The following PHLDB1 variants were observed in gnomAD, a reference collection of about 807,000 sequenced individuals.
PHLDB1 encodes pleckstrin homology-like domain family B member 1.
A neutral mutation model predicts 139.3 loss-of-function variants in PHLDB1; 65 were observed. The ratio of observed to expected loss-of-function variants is 0.47; its 90% CI spans 0.38 to 0.57. PHLDB1 has a LOEUF of 0.57. PHLDB1 is among the 20% of genes least tolerant of loss of function. The probability of loss-of-function intolerance (pLI) is 0.00; values close to 1 mark genes in which losing one functional copy is unlikely to be tolerated. For synonymous variants in PHLDB1, 679 were observed against 734.5 expected, an observed-to-expected ratio of 0.92 and a Z score of 1.22; for missense variants, 1,624 against 1,839.7, an observed-to-expected ratio of 0.88 and a Z score of 2.14.
At chr11:118,655,388 A>C in intron 20 of PHLDB1, 2 of 464,728 alleles carry the variant, frequency 4.3e-6, no homozygotes, top group Non-Finnish European at 7.8e-6. Context: ...GTGGTATCTC[A>C]GTGGAGTTCT....
chr11:118,632,759 C>A lies in PHLDB1; in HGVS notation c.2379+463C>A. The A allele has an allele frequency of 1.9e-6, 1 of 528,566 alleles. No homozygotes were observed. The highest frequency in any genetic ancestry group is 2.1e-5 in the African/African-American group (1 of 48,618). 32.7% of individuals were successfully genotyped at this position (528,566 alleles called of 1,614,324 possible). ...GCTTCCCTTGAGCCTTCAGGATCTG[C>A]AGCCTCCCATCCCAGGTGATCCTAG... On this transcript the variant is annotated intron_variant, in intron 9 of 22. Transcript: ENST00000600882. The surrounding 1 kb of genome is among the most constrained non-coding windows in gnomAD (Gnocchi z 5.9).
In PHLDB1 at chr11:118,632,991, C is replaced by CTTT. The variant is rs67219463; in HGVS notation, c.2379+708_2379+710dup. On this transcript the variant is annotated intron_variant, in intron 9 of 22. Transcript: ENST00000600882. The surrounding 1 kb of genome is among the most constrained non-coding windows in gnomAD (Gnocchi z 5.9). ...TGAGAATCTTAAAAATTCTTTGACC[C>CTTT]TTTTTTTTTTTTTTTGGAGCTTTGG... The CTTT allele has an allele frequency of 1.1e-5, 2 of 178,572 alleles. No individual in the cohort carries two copies. Among genetic ancestry groups the CTTT allele is most frequent in the Non-Finnish European group, 2.0e-5 (2 of 100,350 alleles). 11.1% of individuals were successfully genotyped at this position (178,572 alleles called of 1,614,324 possible). A position where few individuals can be genotyped will look rare whatever the true frequency, so the allele number is the denominator to read the frequency against.
intron 2 of PHLDB1, 87 bp downstream of exon 2, chr11:118,613,983 T>C (rs994565534): frequency 2.2e-5 from 18 of 830,880 alleles, no homozygotes; most frequent in South Asian, 1.0e-4. Context: ...AGCCCAAGGA[T>C]GAAAGGAGCA....
intron 4 of PHLDB1, among the ~76,000 whole-genome samples, chr11:118,619,322 C>T (rs939677980): frequency 6.6e-6 from 1 of 152,142 alleles, no homozygotes; most frequent in East Asian, 1.9e-4. Context: ...TGGGTAGGGG[C>T]TTGTGTGAGG....
At chr11:118,656,605 G>A in intron 22 of PHLDB1, 78 bp from the exon 23 acceptor site, 2 of 1,430,340 alleles carry the variant, frequency 1.4e-6, no homozygotes, top group Non-Finnish European at 9.7e-7. Context: ...GAGGGGAAAG[G>A]GCAGATAGGG....
chr11:118,639,869 G>A, intron 12 of PHLDB1: 1 of 986,790 alleles, frequency 1.0e-6, no homozygotes, highest in South Asian at 4.7e-5. Flanking sequence ...AGGCCGAGCT[G>A]CTCATCTCCG....
intron 1 of PHLDB1, among the ~76,000 whole-genome samples, chr11:118,612,097 C>A (rs555778641): frequency 6.8e-6 from 1 of 148,034 alleles, no homozygotes. Context: ...TACAGTCACT[C>A]CTCATTCCAC....
intron 1 of PHLDB1, among the ~76,000 whole-genome samples, chr11:118,612,865 TCAG>T (rs1940764623): frequency 6.6e-6 from 1 of 152,172 alleles, no homozygotes; most frequent in Non-Finnish European, 1.5e-5. Context: ...CAGTAACATT[TCAG>T]CAGCAAGTGG....
chr11:118,627,583 G>A lies in PHLDB1; in HGVS notation c.760G>A (p.Ala254Thr). ...VGSSYENTSP[A>T]FSPLSSPASS... Reference sequence around the variant, plus strand: ...CTCCAGCTATGAGAACACCTCTCCAGCCTTCTCTCCACTCTCTTCACCAGC... The same window carrying A: ...CTCCAGCTATGAGAACACCTCTCCAACCTTCTCTCCACTCTCTTCACCAGC... The change falls in exon 6 of 23, where the codon GCC (alanine) becomes ACC (threonine). Residue 254 changes from alanine (A) to threonine (T), a missense_variant. Ala to Thr is a moderately conservative substitution (Grantham distance 58). Transcript: ENST00000600882. 1.2e-6 allele frequency: 2 copies of A among 1,613,904 alleles called. No homozygotes were observed. Among genetic ancestry groups the A allele is most frequent in the Non-Finnish European group, 1.7e-6 (2 of 1,180,012 alleles).
chr11:118,628,013 C>G lies in PHLDB1; in HGVS notation c.1190C>G (p.Thr397Arg), dbSNP rs146028056. 172 of 1,613,942 alleles carry G rather than the reference C, an allele frequency of 1.1e-4. 1 individual carries two copies. The African/African-American group carries it at 1.9e-3, about 18-fold the overall frequency. ...PVPAPRNKIG[T>R]LQDRPPSPFR... is the part of the protein sequence containing the mutation. ...CCTGCTCCCCGAAACAAGATTGGCA[C>G]ACTCCAGGACCGCCCTCCCAGCCCT... Residue 397 changes from threonine (T) to arginine (R), a missense_variant, in exon 6 of 23, where the codon ACA becomes AGA. Physicochemically the swap from Thr to Arg is moderately conservative, Grantham distance 71. Coordinates refer to ENST00000600882, the MANE Select transcript of PHLDB1 (RefSeq NM_001144758.3).
At chr11:118,641,556 A>G (rs1399866847) in intron 12 of PHLDB1, 2 of 1,072,318 alleles carry the variant, frequency 1.9e-6, no homozygotes, top group African/African-American at 1.7e-5. Context: ...GGGCCATCTC[A>G]TGTGTTCTGG....
At chr11:118,609,658 G>A (rs1591413658) in intron 1 of PHLDB1, among the ~76,000 whole-genome samples, 2 of 152,220 alleles carry the variant, frequency 1.3e-5, no homozygotes, top group East Asian at 1.9e-4. Flanking sequence ...GGGCCGCCCC[G>A]TTTCCCGGCC....
At chr11:118,641,711 A>T (rs1555120801) in intron 12 of PHLDB1, 1 of 1,289,528 alleles carries the variant, frequency 7.8e-7, no homozygotes, top group Admixed American at 2.3e-5. Context: ...GCCTCCCGGG[A>T]CCTGGTTCCC....
intron 10 of PHLDB1, among the ~76,000 whole-genome samples, chr11:118,636,204 G>A (rs1216469785): frequency 3.3e-5 from 5 of 152,202 alleles, no homozygotes; most frequent in Non-Finnish European, 7.3e-5. Flanking sequence ...AGGGATTGGA[G>A]AGGATGGCTC....
At chr11:118,623,272 AT>A (rs1166168084) in intron 4 of PHLDB1, among the ~76,000 whole-genome samples, 1 of 152,070 alleles carries the variant, frequency 6.6e-6, no homozygotes, top group Non-Finnish European at 1.5e-5. Context: ...AATTGGAAGG[AT>A]TGGTGGTAGA....
At chr11:118,617,938 A>G (rs981029413) in intron 4 of PHLDB1, among the ~76,000 whole-genome samples, 9 of 152,210 alleles carry the variant, frequency 5.9e-5, no homozygotes, top group African/African-American at 2.2e-4. Context: ...AAGGCCCAGC[A>G]CTTACCACCC....
At chr11:118,618,710 C>A (rs1942163923) in intron 4 of PHLDB1, among the ~76,000 whole-genome samples, 1 of 151,918 alleles carries the variant, frequency 6.6e-6, no homozygotes, top group African/African-American at 2.4e-5. Context: ...TTTTCCCTAC[C>A]TTGTTCCCCT....
In PHLDB1 at chr11:118,635,202, G is replaced by A. The variant is rs1945440463; in HGVS notation, c.2380-191G>A. ...TTTGGAGGGAACCGGGAAGGTTGGG[G>A]AATCAGCGCTCCAGGCCATGATGCC... On this transcript the variant is annotated intron_variant, in intron 9 of 22. Transcript: ENST00000600882. The A allele has an allele frequency of 4.5e-6, 3 of 672,702 alleles. No individual in the cohort carries two copies. In the African/African-American group the frequency reaches 5.5e-5, roughly 12 times the overall value. 41.7% of individuals were successfully genotyped at this position (672,702 alleles called of 1,614,324 possible).
Position 118,632,834 on chromosome 11 carries a change from C to G in PHLDB1, c.2379+538C>G. 2 of 985,820 alleles carry G rather than the reference C, an allele frequency of 2.0e-6. No individual in the cohort carries two copies. Among genetic ancestry groups the G allele is most frequent in the Non-Finnish European group, 2.4e-6 (2 of 829,856 alleles). 61.1% of individuals were successfully genotyped at this position (985,820 alleles called of 1,614,324 possible). A position where few individuals can be genotyped will look rare whatever the true frequency, so the allele number is the denominator to read the frequency against. On this transcript the variant is annotated intron_variant, in intron 9 of 22. Transcript: ENST00000600882. The surrounding 1 kb of genome is among the most constrained non-coding windows in gnomAD (Gnocchi z 5.9). ...TTCGTGCCAGCCTGCAGGGGCCACT[C>G]CCAGATGCCCAACACCGTGCCAAAA...
Sources: allele counts gnomAD v4.1 joint callset (sites outside exome capture counted in the v4.1 genomes callset), GRCh38; gene constraint gnomAD v4.1.1; non-coding constraint Gnocchi (gnomAD v3.1); transcripts MANE v1.5; gene names NCBI Gene and HGNC (gene_info 2026-07-23, HGNC 2026-07-21).